NXPE4: variants seen among roughly 807,000 people sequenced by gnomAD.
The protein encoded by NXPE4 is neurexophilin and PC-esterase domain family member 4, also known as NXPE family member 4.
NXPE4 carries 42 observed loss-of-function variants against 33.3 expected under a neutral mutation model. The ratio of observed to expected loss-of-function variants is 1.26; its 90% CI spans 0.98 to 1.63. The LOEUF (loss-of-function observed/expected upper bound fraction) is 1.63. Ranked by LOEUF, NXPE4 falls within the 40% of genes most tolerant of loss-of-function variation. The probability of loss-of-function intolerance (pLI) is 0.00; values close to 1 mark genes in which losing one functional copy is unlikely to be tolerated. For synonymous variants in NXPE4, 253 were observed against 234.9 expected, an observed-to-expected ratio of 1.08 and a Z score of -0.71; for missense variants, 709 against 647.6, an observed-to-expected ratio of 1.09 and a Z score of -1.03.
At chr11:114,628,490 G>A in the NXPE4 span, among the ~76,000 whole-genome samples, 72 of 151,882 alleles carry the variant, frequency 4.7e-4, no homozygotes, top group East Asian at 1.2e-3. Flanking sequence ...AAGACACAAC[G>A]TACCAGAATC....
the NXPE4 span, among the ~76,000 whole-genome samples, chr11:114,635,213 T>G: frequency 6.7e-6 from 1 of 150,194 alleles, no homozygotes; most frequent in Middle Eastern, 3.4e-3. Context: ...GGTATTTTAT[T>G]ATCTTTGAAG....
At chr11:114,625,588 C>T in the NXPE4 span, among the ~76,000 whole-genome samples, 4 of 152,198 alleles carry the variant, frequency 2.6e-5, no homozygotes, top group African/African-American at 9.7e-5. Flanking sequence ...TGGGTAACCA[C>T]TGTTATCTGG....
the NXPE4 span, among the ~76,000 whole-genome samples, chr11:114,639,654 T>C: frequency 7.0e-6 from 1 of 143,276 alleles, no homozygotes; most frequent in African/African-American, 2.6e-5. Context: ...TATTTATATA[T>C]AATTTACTTG....
the NXPE4 span, among the ~76,000 whole-genome samples, chr11:114,612,092 G>C: frequency 1.3e-5 from 2 of 151,612 alleles, no homozygotes; most frequent in Non-Finnish European, 2.9e-5. Context: ...AATAAGTGTT[G>C]AGTCACGGGT....
chr11:114,637,292 A>AT, the NXPE4 span, among the ~76,000 whole-genome samples: 3 of 151,160 alleles, frequency 2.0e-5, 1 homozygote, highest in South Asian at 4.2e-4. Context: ...CAATCCCTGC[A>AT]TTTTTTTGTT....
the NXPE4 span, among the ~76,000 whole-genome samples, chr11:114,633,669 G>A: frequency 1.4e-5 from 2 of 148,112 alleles, no homozygotes; most frequent in Admixed American, 6.9e-5. Flanking sequence ...CTGTGTCCAT[G>A]TGTTCTCATT....
rs571874528 is a variant in NXPE4 at position 114,581,620 on chromosome 11, C to G, written c.892+105G>C. On this transcript the variant is annotated intron_variant, in intron 4 of 5. Transcript: ENST00000375478. ...GCCAACCTTAGATAAGCCAGATGAA[C>G]AGAGTGCTGATAGGACTGAAACAGT... 4.5e-6 allele frequency: 4 copies of G among 887,158 alleles called. No individual in the cohort carries two copies. The African/African-American group carries it at 6.9e-5, about 15-fold the overall frequency. The allele number at this position is 887,158 out of a possible 1,614,324, so 55.0% of individuals were successfully genotyped here.
chr11:114,654,358 T>C, the NXPE4 span, among the ~76,000 whole-genome samples: 2 of 151,932 alleles, frequency 1.3e-5, no homozygotes, highest in Non-Finnish European at 2.9e-5. Context: ...TTTTTATTTC[T>C]TCTAAAAAAA....
the NXPE4 span, among the ~76,000 whole-genome samples, chr11:114,657,799 A>T: frequency 6.6e-6 from 1 of 152,204 alleles, no homozygotes; most frequent in Non-Finnish European, 1.5e-5. Context: ...TCATTAATTT[A>T]GTTAAATATA....
At chr11:114,634,657 G>T in the NXPE4 span, among the ~76,000 whole-genome samples, 1 of 152,018 alleles carries the variant, frequency 6.6e-6, no homozygotes, top group Admixed American at 6.6e-5. Flanking sequence ...GTAAGGAAGG[G>T]ATCCAGTTTC....
chr11:114,589,161 C>T (rs1003550308), intron 2 of NXPE4, among the ~76,000 whole-genome samples: 1 of 152,144 alleles, frequency 6.6e-6, no homozygotes, highest in Non-Finnish European at 1.5e-5. Flanking sequence ...TCGACCCTCT[C>T]TAGCCTGTGG....
chr11:114,643,521 C>T, the NXPE4 span, among the ~76,000 whole-genome samples: 1 of 152,042 alleles, frequency 6.6e-6, no homozygotes, highest in African/African-American at 2.4e-5. Context: ...GGAATCCTTT[C>T]CCCATTGCTT....
At chr11:114,634,314 G>T in the NXPE4 span, among the ~76,000 whole-genome samples, 2 of 151,984 alleles carry the variant, frequency 1.3e-5, no homozygotes, top group African/African-American at 4.8e-5. Context: ...AGAGTTGTTT[G>T]TTATTTTCTT....
the NXPE4 span, among the ~76,000 whole-genome samples, chr11:114,604,473 C>T: frequency 6.6e-6 from 1 of 152,036 alleles, no homozygotes; most frequent in Non-Finnish European, 1.5e-5. Flanking sequence ...TGGGTAACCA[C>T]TGTTACCTGG....
chr11:114,665,209 T>G, the NXPE4 span, among the ~76,000 whole-genome samples: 2 of 152,158 alleles, frequency 1.3e-5, no homozygotes, highest in Non-Finnish European at 2.9e-5. Context: ...GTAATATCTA[T>G]TTAAGATAAA....
At chr11:114,611,406 G>A in the NXPE4 span, among the ~76,000 whole-genome samples, 9 of 151,438 alleles carry the variant, frequency 5.9e-5, no homozygotes, top group Non-Finnish European at 1.3e-4. Flanking sequence ...GTTTCCCAGT[G>A]GATAATAAGT....
upstream of NXPE4, among the ~76,000 whole-genome samples, chr11:114,600,396 T>G (rs1160867633): frequency 6.6e-6 from 1 of 152,130 alleles, no homozygotes; most frequent in Non-Finnish European, 1.5e-5. Context: ...CCTCATTCCT[T>G]CATTTACCAA....
chr11:114,577,697 T>C (rs1443356776), intron 5 of NXPE4, among the ~76,000 whole-genome samples: 2 of 152,158 alleles, frequency 1.3e-5, no homozygotes, highest in Non-Finnish European at 2.9e-5. Context: ...GTTTTGTAGA[T>C]ATTATTTTTG....
At chr11:114,644,371 G>A in the NXPE4 span, among the ~76,000 whole-genome samples, 1 of 152,228 alleles carries the variant, frequency 6.6e-6, no homozygotes, top group African/African-American at 2.4e-5. Context: ...TGCCCATTCA[G>A]TATGATATTG....
Sources: allele counts gnomAD v4.1 joint callset (sites outside exome capture counted in the v4.1 genomes callset), GRCh38; gene constraint gnomAD v4.1.1; transcripts MANE v1.5; gene names NCBI Gene and HGNC (gene_info 2026-07-23, HGNC 2026-07-21).